Variants in WDR13 observed in about 807,000 individuals in gnomAD.
WDR13 encodes the protein WD repeat domain 13.
In WDR13, 1 loss-of-function variant was observed where a neutral mutation model predicts 28.6. The ratio of observed to expected loss-of-function variants is 0.03; its 90% CI spans 0.01 to 0.17. WDR13 has a LOEUF of 0.17. WDR13 is among the 10% of genes least tolerant of loss of function. WDR13 has a pLI of 1.00. For missense variants in WDR13, 264 were observed against 469.3 expected (o/e 0.56, Z 4.04); for synonymous variants, 201 against 185.9 (o/e 1.08, Z -0.66).
intron 6 of WDR13, 132 bp downstream of exon 6, chrX:48,600,758 A>C (rs1556994264): frequency 1.3e-6 from 1 of 763,002 alleles, no homozygotes; most frequent in Admixed American, 3.6e-5. Context: ...CAATCTCGTC[A>C]GAGCAGTCCT....
chrX:48,604,478 C>T (rs782655850), intron 9 of WDR13, 88 bp downstream of exon 9: 41 of 812,680 alleles, frequency 5.0e-5, no homozygotes, highest in African/African-American at 1.2e-4. Context: ...ATCACGACAC[C>T]GATGCCCTGA....
chrX:48,601,901 C>T lies in WDR13; in HGVS notation c.949C>T (p.Arg317Trp), dbSNP rs782590951. The change falls in exon 7 of 10, where the codon CGG becomes TGG. Residue 317 changes from arginine to tryptophan, a missense_variant. Physicochemically the swap from Arg to Trp is moderately radical, Grantham distance 101. Transcript: ENST00000376729. The part of the protein sequence containing the change: ...VLALSFDAPG[R>W]LLWAGDDRGS... ...TGCTCTGTCCTTTGATGCCCCTGGCCGGCTGCTCTGGGCGGGTGATGACCG... is the reference window on the plus strand; with the variant it reads ...TGCTCTGTCCTTTGATGCCCCTGGCTGGCTGCTCTGGGCGGGTGATGACCG... 33 of 1,203,986 alleles carry T rather than the reference C, an allele frequency of 2.7e-5. No homozygotes were observed. Among genetic ancestry groups the T allele is most frequent in the South Asian group, 3.6e-5 (2 of 55,877 alleles).
chrX:48,598,254 A>G, intron 2 of WDR13: 1 of 1,085,927 alleles, frequency 9.2e-7, no homozygotes, highest in Non-Finnish European at 1.2e-6. Flanking sequence ...AGATGTGGGC[A>G]TGCGCAAAGC....
chrX:48,604,521 C>T, intron 9 of WDR13, 131 bp downstream of exon 9: 1 of 544,838 alleles, frequency 1.8e-6, no homozygotes, highest in Non-Finnish European at 3.0e-6. Context: ...CCTGCCCCAA[C>T]AGCCTCACTG....
intron 5 of WDR13, 126 bp from the exon 6 acceptor site, chrX:48,600,193 C>T (rs2062173839): frequency 1.4e-6 from 1 of 708,120 alleles, no homozygotes; most frequent in Admixed American, 3.7e-5. Context: ...AAGGAAAGCC[C>T]TTTGCTGAGG....
At chrX:48,600,721 G>A (rs782042626) in intron 6 of WDR13, 95 bp downstream of exon 6, 2 of 1,033,170 alleles carry the variant, frequency 1.9e-6, no homozygotes, top group Non-Finnish European at 2.6e-6. Flanking sequence ...CAGCCAGGGG[G>A]GGCCTAGGAC....
chrX:48,602,918 C>A (rs1455941185), intron 8 of WDR13, among the ~76,000 whole-genome samples: 5 of 111,615 alleles, frequency 4.5e-5, no homozygotes, highest in African/African-American at 1.6e-4. Context: ...CTCCTGCCAC[C>A]TCTGGCCTCC....
At chrX:48,600,276 A>T in intron 5 of WDR13, 43 bp from the exon 6 acceptor site, 1 of 1,152,438 alleles carries the variant, frequency 8.7e-7, no homozygotes, top group Non-Finnish European at 1.2e-6. Context: ...AAAAGTGCCC[A>T]GTGAGTGTGC....
chrX:48,603,982 G>C (rs186099756), intron 8 of WDR13, among the ~76,000 whole-genome samples: 22 of 110,783 alleles, frequency 2.0e-4, no homozygotes, highest in South Asian at 3.9e-4. Flanking sequence ...CTCAGAATTG[G>C]GTTTCATAAG....
At chrX:48,602,532 CTTTT>C (rs55822629) in intron 8 of WDR13, among the ~76,000 whole-genome samples, 2 of 83,867 alleles carry the variant, frequency 2.4e-5, no homozygotes, top group Non-Finnish European at 4.7e-5. Flanking sequence ...TCCTTCCTTC[CTTTT>C]TTTTTTTTTT....
At chrX:48,600,731 C>T (rs1381167473) in intron 6 of WDR13, 105 bp downstream of exon 6, 1 of 895,137 alleles carries the variant, frequency 1.1e-6, no homozygotes, top group Non-Finnish European at 1.5e-6. Flanking sequence ...GGGCCTAGGA[C>T]CCCCCCACCC....
intron 3 of WDR13, 133 bp downstream of exon 3, chrX:48,599,090 G>A (rs2062164541): frequency 1.1e-6 from 1 of 937,058 alleles, no homozygotes; most frequent in Admixed American, 3.8e-5. Context: ...AATATGCCAA[G>A]TAAACCAGTA....
At chrX:48,602,879 G>T (rs1293757585) in intron 8 of WDR13, among the ~76,000 whole-genome samples, 1 of 110,839 alleles carries the variant, frequency 9.0e-6, no homozygotes, top group Non-Finnish European at 1.9e-5. Context: ...CCTTAAGTTT[G>T]CCCATTTCCC....
At chrX:48,599,752 G>A (rs781813094) in intron 5 of WDR13, 35 bp downstream of exon 5, 27 of 1,205,696 alleles carry the variant, frequency 2.2e-5, no homozygotes, top group South Asian at 8.8e-5. Context: ...ATCACCAAGC[G>A]TTTGCCCAAA....
At position 48,605,175 on chromosome X, in the gene WDR13, A is replaced by G. The variant is rs1816615745; in HGVS notation, c.*143A>G. The G allele has an allele frequency of 2.8e-6, 2 of 707,399 alleles. No individual in the cohort carries two copies. Among genetic ancestry groups the G allele is most frequent in the South Asian group, 5.9e-5 (2 of 34,161 alleles). The allele number at this position is 707,399 out of a possible 1,213,427, so 58.3% of individuals were successfully genotyped here. On this transcript the variant is annotated 3_prime_UTR_variant, in exon 10 of 10. Transcript: ENST00000376729. ...AGGGCAGAGGGCAGCGGGCAGCTCC[A>G]GGAACACGGTGGAACGGGGTTCATT...
chrX:48,601,945 C>T lies in WDR13; in HGVS notation c.993C>T (p.Phe331=), dbSNP rs782035837. The T allele has an allele frequency of 4.2e-6, 5 of 1,193,179 alleles. No homozygotes were observed. In the Admixed American group the frequency reaches 9.0e-5, roughly 21 times the overall value. Residue 331 remains phenylalanine, a synonymous_variant, in exon 7 of 10, where the codon TTC becomes TTT. Transcript: ENST00000376729. ...ATGACCGTGGCAGTGTCTTCTCTTT[C>T]CTCTTTGATATGGCCACAGGTAGGC... The part of the protein sequence containing the change: ...AGDDRGSVFS[F]LFDMATGKLT...
chrX:48,599,095 C>T, intron 3 of WDR13, 138 bp downstream of exon 3: 8 of 936,738 alleles, frequency 8.5e-6, no homozygotes, highest in Non-Finnish European at 5.7e-6. Flanking sequence ...GCCAAGTAAA[C>T]CAGTAAACAC....
Position 48,601,721 on chromosome X carries a change from G to A in WDR13, c.832-63G>A. The A allele has an allele frequency of 7.4e-6, 8 of 1,079,905 alleles. No homozygotes were observed. In the South Asian group the frequency reaches 1.7e-4, roughly 23 times the overall value. 89.0% of individuals were successfully genotyped at this position (1,079,905 alleles called of 1,213,427 possible). The stretch of plus-strand genomic sequence containing the variant: ...CAGTCGCATCAACAGCAGCCCCACT[G>A]TGGTCAGACTCAAGGAGGGCCTGGC... On this transcript the variant is annotated intron_variant, in intron 6 of 9. Coordinates refer to ENST00000376729, the MANE Select transcript of WDR13 (RefSeq NM_001347217.2).
In WDR13 at chrX:48,605,257, A is replaced by T. The variant is rs2062215432; in HGVS notation, c.*225A>T. ...TCATTCATTCCACAAGCATTGATTGAATGTCTGCTGGGTTACAGGCCCTGC... is the reference window on the plus strand; with the variant it reads ...TCATTCATTCCACAAGCATTGATTGTATGTCTGCTGGGTTACAGGCCCTGC... On this transcript the variant is annotated 3_prime_UTR_variant, in exon 10 of 10. Transcript: ENST00000376729. 1 of 426,513 alleles carries T rather than the reference A, an allele frequency of 2.3e-6. No homozygotes were observed. The allele number at this position is 426,513 out of a possible 1,213,427, so 35.1% of individuals were successfully genotyped here.
Sources: gnomAD v4.1 joint callset for allele counts (sites outside exome capture counted in the v4.1 genomes callset) on GRCh38, gnomAD v4.1.1 for gene constraint, MANE v1.5 for transcripts, NCBI Gene and HGNC (gene_info 2026-07-23, HGNC 2026-07-21) for gene names.